AKAP6: variants seen among roughly 807,000 people sequenced by gnomAD.
AKAP6 encodes the protein A-kinase anchoring protein 6, also known as A-kinase anchor protein 6.
AKAP6 carries 58 observed loss-of-function variants against 188.5 expected under a neutral mutation model. That is an observed-to-expected ratio of 0.31 (90% CI 0.25 to 0.38). AKAP6 has a LOEUF of 0.38. Ranked by LOEUF, AKAP6 falls within the 10% of genes least tolerant of loss-of-function variation. The pLI, the probability that AKAP6 is intolerant of heterozygous loss-of-function variation, is 1.00. For missense variants in AKAP6, 2,710 were observed against 2,740.0 expected, an observed-to-expected ratio of 0.99 and a Z score of 0.24; for synonymous variants, 989 against 998.6, an observed-to-expected ratio of 0.99 and a Z score of 0.18.
intron 2 of AKAP6, among the ~76,000 whole-genome samples, chr14:32,473,031 T>C (rs1167377197): frequency 6.6e-6 from 1 of 152,180 alleles, no homozygotes; most frequent in East Asian, 1.9e-4. Context: ...GCCCAGAAGC[T>C]CACCCAAACA....
intron 1 of AKAP6, 84 bp from the exon 2 acceptor site, chr14:32,433,376 A>C (rs1890279797): frequency 3.2e-6 from 3 of 932,932 alleles, no homozygotes; most frequent in Admixed American, 5.8e-5. Flanking sequence ...TTAATTTAGA[A>C]ATCCTGTTTC....
chr14:32,440,513 TTG>T (rs1237193241), intron 2 of AKAP6, among the ~76,000 whole-genome samples: 24 of 152,288 alleles, frequency 1.6e-4, no homozygotes, highest in African/African-American at 5.5e-4. Flanking sequence ...AACCAAGTTC[TTG>T]GTCATGGTGT....
chr14:32,348,126 C>G (rs1037301993), intron 1 of AKAP6, among the ~76,000 whole-genome samples: 3 of 152,070 alleles, frequency 2.0e-5, no homozygotes, highest in African/African-American at 7.2e-5. Context: ...CTGGGTGGGA[C>G]CATGCCAGGA....
chr14:32,786,979 C>G (rs535768858), intron 12 of AKAP6, among the ~76,000 whole-genome samples: 1 of 152,186 alleles, frequency 6.6e-6, no homozygotes, highest in Non-Finnish European at 1.5e-5. Flanking sequence ...CATTTATTGG[C>G]CCCAAAAATA....
chr14:32,651,587 G>A (rs552548400), intron 7 of AKAP6, among the ~76,000 whole-genome samples: 1 of 152,228 alleles, frequency 6.6e-6, no homozygotes, highest in Non-Finnish European at 1.5e-5. Flanking sequence ...GGTGCCTGGT[G>A]GCTACATTCT....
intron 4 of AKAP6, among the ~76,000 whole-genome samples, chr14:32,560,344 T>A (rs1257053253): frequency 2.0e-5 from 3 of 152,314 alleles, no homozygotes; most frequent in Middle Eastern, 3.4e-3. Flanking sequence ...ACCGTAGGGA[T>A]CCAAAGCAAA....
chr14:32,452,380 G>A (rs74600788), intron 2 of AKAP6, among the ~76,000 whole-genome samples: 5,454 of 152,212 alleles, frequency 0.036, 123 homozygotes, highest in East Asian at 0.1. Context: ...GCCTGGCTGT[G>A]TTTTAATATA....
At chr14:32,565,614 G>T (rs571648587) in intron 4 of AKAP6, among the ~76,000 whole-genome samples, 28 of 152,200 alleles carry the variant, frequency 1.8e-4, no homozygotes, top group Non-Finnish European at 3.7e-4. Flanking sequence ...TGCAGCCAGA[G>T]TGAGTCTTCT....
intron 1 of AKAP6, among the ~76,000 whole-genome samples, chr14:32,374,715 G>A (rs1238232648): frequency 6.6e-6 from 1 of 152,134 alleles, no homozygotes. Context: ...TCTACAATCA[G>A]TACTAGTATA....
intron 2 of AKAP6, among the ~76,000 whole-genome samples, chr14:32,523,292 C>T (rs1442339071): frequency 1.3e-5 from 2 of 152,010 alleles, no homozygotes; most frequent in Non-Finnish European, 2.9e-5. Flanking sequence ...CAAACCTGCA[C>T]GTTGTGCACA....
At chr14:32,590,158 T>G (rs1262786385) in intron 5 of AKAP6, among the ~76,000 whole-genome samples, 1 of 152,298 alleles carries the variant, frequency 6.6e-6, no homozygotes, top group South Asian at 2.1e-4. Flanking sequence ...TGGGGGAATC[T>G]TCCTTAGAGA....
chr14:32,800,244 A>G (rs1166924069), intron 12 of AKAP6, among the ~76,000 whole-genome samples: 1 of 149,878 alleles, frequency 6.7e-6, no homozygotes, highest in African/African-American at 2.4e-5. Context: ...AAATATATAT[A>G]TACAAAAATT....
At chr14:32,490,165 A>C (rs1471107562) in intron 2 of AKAP6, among the ~76,000 whole-genome samples, 3 of 149,694 alleles carry the variant, frequency 2.0e-5, no homozygotes, top group African/African-American at 5.0e-5. Flanking sequence ...AACAAATCAC[A>C]ATGGTGGAAT....
chr14:32,740,988 T>C (rs148925427), intron 11 of AKAP6, among the ~76,000 whole-genome samples: 2,414 of 151,648 alleles, frequency 0.016, 26 homozygotes, highest in Admixed American at 0.025. Context: ...ATTCTTCCAA[T>C]CCATGAAAAT....
intron 11 of AKAP6, among the ~76,000 whole-genome samples, chr14:32,751,673 A>G (rs1288003412): frequency 1.2e-5 from 1 of 86,802 alleles, no homozygotes; most frequent in Non-Finnish European, 3.4e-5. Flanking sequence ...TCTTGCCTTC[A>G]CTTAAAAAAA....
intron 1 of AKAP6, among the ~76,000 whole-genome samples, chr14:32,345,650 A>G (rs1887042253): frequency 6.6e-6 from 1 of 152,222 alleles, no homozygotes; most frequent in African/African-American, 2.4e-5. Context: ...TCTGATCACC[A>G]GAGGGTGGAG....
At chr14:32,587,201 A>G (rs967323186) in intron 5 of AKAP6, among the ~76,000 whole-genome samples, 6 of 148,944 alleles carry the variant, frequency 4.0e-5, no homozygotes, top group African/African-American at 1.5e-4. Context: ...TAAAATTCTT[A>G]GCCTGTTTTT....
chr14:32,492,645 C>T (rs1450552791), intron 2 of AKAP6, among the ~76,000 whole-genome samples: 2 of 151,850 alleles, frequency 1.3e-5, no homozygotes, highest in African/African-American at 2.4e-5. Context: ...AGTACATGTT[C>T]CTTTTTTTTC....
chr14:32,616,870 A>G (rs191027134), intron 7 of AKAP6: 1 of 152,308 alleles, frequency 6.6e-6, no homozygotes, highest in Admixed American at 6.5e-5. Flanking sequence ...TTTGAGTTTT[A>G]TAAACTCAGT....
Sources: gnomAD v4.1 joint callset for allele counts (sites outside exome capture counted in the v4.1 genomes callset) on GRCh38, gnomAD v4.1.1 for gene constraint, MANE v1.5 for transcripts, NCBI Gene and HGNC (gene_info 2026-07-23, HGNC 2026-07-21) for gene names.